Variants in MACROD2 observed in about 807,000 individuals in gnomAD.
MACROD2 encodes the protein ADP-ribose glycohydrolase MACROD2.
In MACROD2, 36 loss-of-function variants were observed where a neutral mutation model predicts 70.4. The observed-to-expected ratio is 0.51, with a 90% confidence interval of 0.39 to 0.68. The LOEUF (loss-of-function observed/expected upper bound fraction) is 0.68, where lower values mean the gene tolerates loss of function less well. Ranked by LOEUF, MACROD2 falls within the 30% of genes least tolerant of loss-of-function variation. The pLI is 0.00. For missense variants in MACROD2, 496 were observed against 538.4 expected (o/e 0.92, Z 0.78); for synonymous variants, 172 against 178.8 (o/e 0.96, Z 0.30).
At chr20:15,309,123 A>T (rs2077726596) in intron 6 of MACROD2, among the ~76,000 whole-genome samples, 1 of 152,196 alleles carries the variant, frequency 6.6e-6, no homozygotes, top group Non-Finnish European at 1.5e-5. Context: ...TGCAGGAGAT[A>T]ACTTGTGTGC....
rs546270152 is a variant in MACROD2, at chr20:14,806,716, T to A, written c.418+121757T>A. On this transcript the variant is annotated intron_variant, in intron 5 of 17. Coordinates refer to ENST00000684519, the MANE Select transcript of MACROD2 (RefSeq NM_001351661.2). ...CTTGAAATTCTTGCTGCCAGCACAA[T>A]AGTCTGAAGTTGACCTGGGATGCTC... Among the ~76,000 whole-genome samples, 3 of 152,120 alleles carry A rather than the reference T, an allele frequency of 2.0e-5. No homozygotes were observed. The East Asian group carries it at 5.8e-4, about 30-fold the overall frequency.
At chr20:14,766,824 T>C (rs1336270292) in intron 5 of MACROD2, among the ~76,000 whole-genome samples, 1 of 152,164 alleles carries the variant, frequency 6.6e-6, no homozygotes, top group East Asian at 1.9e-4. Context: ...GCAAGATCTC[T>C]TTTTTCTTTT....
At chr20:14,467,762 C>T (rs1455764659) in intron 3 of MACROD2, among the ~76,000 whole-genome samples, 4 of 152,152 alleles carry the variant, frequency 2.6e-5, no homozygotes, top group South Asian at 4.1e-4. Context: ...CTTCACATTT[C>T]CCCTAAACAC....
At chr20:14,590,574 A>C (rs553455179) in intron 4 of MACROD2, among the ~76,000 whole-genome samples, 38 of 151,984 alleles carry the variant, frequency 2.5e-4, no homozygotes, top group Non-Finnish European at 5.3e-4. Flanking sequence ...TTTGCATACT[A>C]TTTTACTCAT....
chr20:14,684,648 A>ACAC (rs2070977459), intron 4 of MACROD2, among the ~76,000 whole-genome samples, 195 bp from the exon 5 acceptor site: 1 of 134,848 alleles, frequency 7.4e-6, no homozygotes, highest in Non-Finnish European at 1.7e-5. Context: ...ACATAACCTC[A>ACAC]CCCCCCCCCC....
chr20:16,030,288 A>C (rs139843939), intron 15 of MACROD2, among the ~76,000 whole-genome samples: 2 of 152,336 alleles, frequency 1.3e-5, no homozygotes, highest in African/African-American at 2.4e-5. Flanking sequence ...TTGCTGAGAA[A>C]TCCAACACAA....
At chr20:14,646,745 T>G (rs1193613847) in intron 4 of MACROD2, among the ~76,000 whole-genome samples, 1 of 152,068 alleles carries the variant, frequency 6.6e-6, no homozygotes, top group East Asian at 1.9e-4. Context: ...AAAGTAACCA[T>G]ATTTCAAATC....
intron 8 of MACROD2, among the ~76,000 whole-genome samples, chr20:15,850,847 A>G (rs1048263850): frequency 1.4e-4 from 22 of 152,296 alleles, no homozygotes; most frequent in African/African-American, 4.8e-4. Flanking sequence ...TTAGGGTTAC[A>G]TGTATAGCGT....
At chr20:14,993,161 G>C (rs1340482079) in intron 5 of MACROD2, among the ~76,000 whole-genome samples, 1 of 152,042 alleles carries the variant, frequency 6.6e-6, no homozygotes, top group East Asian at 1.9e-4. Flanking sequence ...ATTATCTAAA[G>C]CCAGTGGAAT....
chr20:15,920,164 GAT>G (rs1214832027), intron 10 of MACROD2, among the ~76,000 whole-genome samples: 1 of 152,188 alleles, frequency 6.6e-6, no homozygotes, highest in East Asian at 1.9e-4. Context: ...GAGGATATTG[GAT>G]ATATGTAGGA....
At chr20:14,945,964 T>C (rs552667970) in intron 5 of MACROD2, among the ~76,000 whole-genome samples, 1 of 152,268 alleles carries the variant, frequency 6.6e-6, no homozygotes, top group East Asian at 1.9e-4. Flanking sequence ...TCCTAGCACT[T>C]TGGGAGGCCG....
chr20:14,104,030 TACATACACACACACGC>T (rs2054335461), intron 3 of MACROD2, among the ~76,000 whole-genome samples: 1 of 152,086 alleles, frequency 6.6e-6, no homozygotes, highest in African/African-American at 2.4e-5. Flanking sequence ...ATCTTATATC[TACATACACACACACGC>T]ACATACACAC....
intron 7 of MACROD2, among the ~76,000 whole-genome samples, chr20:15,495,691 A>G (rs1283921441): frequency 6.6e-6 from 1 of 152,232 alleles, no homozygotes; most frequent in Non-Finnish European, 1.5e-5. Context: ...AGTGATAAGC[A>G]AAGACAGATG....
At chr20:15,880,724 T>G (rs2064742810) in intron 9 of MACROD2, among the ~76,000 whole-genome samples, 1 of 152,042 alleles carries the variant, frequency 6.6e-6, no homozygotes, top group Non-Finnish European at 1.5e-5. Flanking sequence ...CTAGTATTAC[T>G]TGAATGGGAT....
chr20:14,865,953 C>G (rs560214450), intron 5 of MACROD2, among the ~76,000 whole-genome samples: 3 of 152,228 alleles, frequency 2.0e-5, no homozygotes, highest in African/African-American at 7.2e-5. Flanking sequence ...ATAATTTTCT[C>G]TTTGAAAGTT....
rs148121316 is a variant in MACROD2, at chr20:14,537,305, T to C, written c.301+43797T>C. Among the ~76,000 whole-genome samples, 1,405 of 152,242 alleles carry C rather than the reference T, an allele frequency of 9.2e-3. 25 individuals are homozygous for C. Among genetic ancestry groups the C allele is most frequent in the African/African-American group, 0.032 (1,316 of 41,530 alleles). On this transcript the variant is annotated intron_variant, in intron 4 of 17. Transcript: ENST00000684519. ...CAAGAATGAGGGAGAGTGAGGCAGCTTTAAAAAAAGGATTTTAATGAGCAG... is the reference window on the plus strand; with the variant it reads ...CAAGAATGAGGGAGAGTGAGGCAGCCTTAAAAAAAGGATTTTAATGAGCAG...
chr20:15,286,912 T>C (rs139771121), intron 6 of MACROD2, among the ~76,000 whole-genome samples: 97 of 152,244 alleles, frequency 6.4e-4, no homozygotes, highest in Admixed American at 1.7e-3. Context: ...AGATACATAT[T>C]AGAGAAGAGA....
chr20:14,670,561 G>A (rs1346570535), intron 4 of MACROD2, among the ~76,000 whole-genome samples: 1 of 152,132 alleles, frequency 6.6e-6, no homozygotes, highest in Admixed American at 6.6e-5. Context: ...AATGACCAAA[G>A]AGAAATTTCT....
At chr20:15,863,779 C>T (rs1170303229) in intron 9 of MACROD2, among the ~76,000 whole-genome samples, 1 of 152,126 alleles carries the variant, frequency 6.6e-6, no homozygotes, top group Non-Finnish European at 1.5e-5. Flanking sequence ...AAAGAGGATG[C>T]CTTGCCTGTA....
Sources: gnomAD v4.1 joint callset for allele counts (sites outside exome capture counted in the v4.1 genomes callset) on GRCh38, gnomAD v4.1.1 for gene constraint, MANE v1.5 for transcripts, NCBI Gene and HGNC (gene_info 2026-07-23, HGNC 2026-07-21) for gene names.